Variants in CAPN13 observed in about 807,000 individuals in gnomAD.
CAPN13 encodes calpain 13, also known as calpain-13.
Under a neutral mutation model 98.4 loss-of-function variants are expected in CAPN13, and 90 were observed. That is an observed-to-expected ratio of 0.92 (90% confidence interval 0.77 to 1.09). The LOEUF (loss-of-function observed/expected upper bound fraction) is 1.09, where lower values mean the gene tolerates loss of function less well. CAPN13 is among the 50% of genes least tolerant of loss of function. The pLI, the probability that CAPN13 is intolerant of heterozygous loss-of-function variation, is 0.00. For synonymous variants in CAPN13, 330 were observed against 305.5 expected (o/e 1.08, Z -0.84); for missense variants, 887 against 841.3 (o/e 1.05, Z -0.67).
chr2:30,770,230 G>C, intron 5 of CAPN13, 83 bp downstream of exon 5: 2 of 1,547,058 alleles, frequency 1.3e-6, no homozygotes, highest in African/African-American at 2.7e-5. Context: ...AGGCTGCAAT[G>C]CTCCAACAGG....
chr2:30,797,061 C>T (rs543829411), intron 1 of CAPN13, among the ~76,000 whole-genome samples: 8 of 152,204 alleles, frequency 5.3e-5, no homozygotes, highest in South Asian at 4.2e-4. Flanking sequence ...GCCAGACGGG[C>T]GGGAGGCAGT....
chr2:30,783,255 G>A (rs1253777715), intron 2 of CAPN13, among the ~76,000 whole-genome samples: 1 of 152,172 alleles, frequency 6.6e-6, no homozygotes, highest in African/African-American at 2.4e-5. Context: ...TACCTCACAT[G>A]TAAGTATAAT....
At chr2:30,739,400 C>T (rs537376977) in intron 15 of CAPN13, among the ~76,000 whole-genome samples, 111 of 152,168 alleles carry the variant, frequency 7.3e-4, no homozygotes, top group African/African-American at 2.6e-3. Context: ...ATTGGCCTTA[C>T]CACCTTGAAC....
intron 1 of CAPN13, among the ~76,000 whole-genome samples, chr2:30,789,712 A>T (rs984581682): frequency 1.3e-5 from 2 of 152,232 alleles, no homozygotes; most frequent in Non-Finnish European, 2.9e-5. Flanking sequence ...CTCCCAGAAC[A>T]CGCAGCACAG....
At chr2:30,763,389 G>T (rs914751377) in intron 6 of CAPN13, among the ~76,000 whole-genome samples, 2 of 152,226 alleles carry the variant, frequency 1.3e-5, no homozygotes, top group East Asian at 3.8e-4. Context: ...GAACCCCGTG[G>T]AGTCCCGAGG....
At chr2:30,779,261 GT>G (rs1243789156) in intron 2 of CAPN13, among the ~76,000 whole-genome samples, 2 of 152,248 alleles carry the variant, frequency 1.3e-5, no homozygotes, top group Non-Finnish European at 2.9e-5. Flanking sequence ...CAGACCTGTT[GT>G]GCAATCCTAC....
intron 15 of CAPN13, among the ~76,000 whole-genome samples, chr2:30,741,053 C>G (rs753459160): frequency 3.9e-5 from 6 of 152,166 alleles, no homozygotes; most frequent in Non-Finnish European, 5.9e-5. Context: ...TCATCTTGGC[C>G]GGCCTTGTCA....
In CAPN13 at chr2:30,755,739, C is replaced by T. The variant is rs76227549; in HGVS notation, c.867-1375G>A. 3.9e-3 allele frequency among the ~76,000 whole-genome samples: 595 copies of T among 152,344 alleles called. 1 individual carries two copies. Among genetic ancestry groups the T allele is most frequent in the African/African-American group, 0.013 (556 of 41,570 alleles). On this transcript the variant is annotated intron_variant, in intron 8 of 22. Transcript: ENST00000295055. ...AGCAAGGCAGGGGCCACCACTCAGG[C>T]TTCTGGCTGCAGGCTGAGGCAGTCA...
At chr2:30,757,630 A>G (rs1177165532) in intron 8 of CAPN13, among the ~76,000 whole-genome samples, 1 of 152,154 alleles carries the variant, frequency 6.6e-6, no homozygotes, top group Non-Finnish European at 1.5e-5. Flanking sequence ...TCAGAATCCC[A>G]TGGGTCCCTC....
Position 30,732,038 on chromosome 2 carries a change from G to C in CAPN13, c.1927+400C>G, listed in dbSNP as rs529365054. ...GTGGAAACTTCGGCCCACACAGTTG[G>C]ATTTCTGAAGCCTGGGGAGGGACCT... On this transcript the variant is annotated intron_variant, in intron 20 of 22. Transcript: ENST00000295055. 8.3e-4 allele frequency among the ~76,000 whole-genome samples: 127 copies of C among 152,296 alleles called. 1 individual carries two copies. Among genetic ancestry groups the C allele is most frequent in the African/African-American group, 2.9e-3 (119 of 41,564 alleles).
chr2:30,730,641 C>G (rs1056746698), intron 22 of CAPN13, 89 bp downstream of exon 22: 5 of 718,498 alleles, frequency 7.0e-6, no homozygotes, highest in Non-Finnish European at 1.3e-5. Flanking sequence ...GGAGGCTCTC[C>G]CAAGGAGAGA....
At chr2:30,775,906 T>C in intron 4 of CAPN13, 24 bp downstream of exon 4, 1 of 1,552,104 alleles carries the variant, frequency 6.4e-7, no homozygotes, top group Non-Finnish European at 8.8e-7. Flanking sequence ...CATCATATAA[T>C]GAGCGCTGCA....
chr2:30,782,417 A>G (rs1674032103), intron 2 of CAPN13, among the ~76,000 whole-genome samples: 2 of 152,192 alleles, frequency 1.3e-5, no homozygotes, highest in Non-Finnish European at 2.9e-5. Context: ...CTCTGGCTGA[A>G]TGACACTTGG....
intron 4 of CAPN13, among the ~76,000 whole-genome samples, chr2:30,770,985 G>A (rs1424689239): frequency 6.6e-6 from 1 of 152,174 alleles, no homozygotes; most frequent in East Asian, 1.9e-4. Context: ...AGATGACATG[G>A]ATGGCTCAGG....
At chr2:30,755,125 ACCC>A (rs1372321021) in intron 8 of CAPN13, among the ~76,000 whole-genome samples, 1 of 148,572 alleles carries the variant, frequency 6.7e-6, no homozygotes, top group East Asian at 2.0e-4. Flanking sequence ...TTAAAACACC[ACCC>A]CCCCAAGCCC....
In CAPN13 at chr2:30,742,413, G is replaced by A. The variant is rs2276570; in HGVS notation, c.1446-54C>T. The A allele has an allele frequency of 1.8e-4, 282 of 1,574,086 alleles. 3 individuals are homozygous for A. The East Asian group carries it at 6.3e-3, about 35-fold the overall frequency. ...GATGACCAGCTCACCACTCAAAGGG[G>A]GCCTGCATATAGAGGGCACCCAGGT... On this transcript the variant is annotated intron_variant, in intron 13 of 22. Transcript: ENST00000295055.
intron 22 of CAPN13, among the ~76,000 whole-genome samples, chr2:30,725,087 T>C (rs1005146979): frequency 1.3e-5 from 2 of 152,102 alleles, no homozygotes; most frequent in African/African-American, 4.8e-5. Flanking sequence ...TCAACATGGA[T>C]GTAGATGACA....
intron 19 of CAPN13, among the ~76,000 whole-genome samples, chr2:30,732,786 C>G (rs1163110888): frequency 7.2e-5 from 11 of 152,136 alleles, no homozygotes; most frequent in Non-Finnish European, 4.4e-5. Context: ...TGCTGAAGAC[C>G]CTGCTCTGGA....
intron 6 of CAPN13, among the ~76,000 whole-genome samples, chr2:30,763,675 TG>T (rs1449234432): frequency 6.6e-6 from 1 of 152,202 alleles, no homozygotes; most frequent in African/African-American, 2.4e-5. Flanking sequence ...CTTTTCAAAA[TG>T]GGTCATGCTG....
Sources: gnomAD v4.1 joint callset for allele counts (sites outside exome capture counted in the v4.1 genomes callset) on GRCh38, gnomAD v4.1.1 for gene constraint, MANE v1.5 for transcripts, NCBI Gene and HGNC (gene_info 2026-07-23, HGNC 2026-07-21) for gene names.